The following RIN2 variants were observed in gnomAD, a reference collection of about 807,000 sequenced individuals.
RIN2 encodes Ras and Rab interactor 2.
In RIN2, 36 loss-of-function variants were observed where a neutral mutation model predicts 78.0. The ratio of observed to expected loss-of-function variants is 0.46; its 90% confidence interval spans 0.35 to 0.61. RIN2 has a LOEUF of 0.61. RIN2 is among the 20% of genes least tolerant of loss of function. RIN2 has a pLI of 0.00. For missense variants in RIN2, 1,087 were observed against 1,159.7 expected (o/e 0.94, Z 0.91); for synonymous variants, 466 against 466.8 (o/e 1.00, Z 0.02).
chr20:19,946,659 G>A (rs1238957118), intron 4 of RIN2, among the ~76,000 whole-genome samples: 8 of 147,408 alleles, frequency 5.4e-5, no homozygotes, highest in Non-Finnish European at 8.9e-5. Flanking sequence ...GCAGTAAGCC[G>A]AGATTGTGTC....
intron 1 of RIN2, among the ~76,000 whole-genome samples, chr20:19,783,745 G>A (rs1490608533): frequency 2.6e-5 from 4 of 152,128 alleles, no homozygotes; most frequent in Non-Finnish European, 4.4e-5. Flanking sequence ...TACCCCTGCC[G>A]GGAAGCTGAC....
At chr20:19,848,601 G>A (rs942612001) in intron 2 of RIN2, among the ~76,000 whole-genome samples, 11 of 150,218 alleles carry the variant, frequency 7.3e-5, no homozygotes, top group African/African-American at 7.3e-5. Context: ...AAAAAAAGCC[G>A]GAGATGTACA....
At chr20:19,980,045 A>C (rs1016289923) in intron 9 of RIN2, among the ~76,000 whole-genome samples, 2 of 32,296 alleles carry the variant, frequency 6.2e-5, no homozygotes, top group East Asian at 1.6e-3. Flanking sequence ...ACTCCATCTC[A>C]AAAAAAAAAA....
intron 5 of RIN2, among the ~76,000 whole-genome samples, chr20:19,960,434 A>G (rs952325000): frequency 6.6e-6 from 1 of 152,216 alleles, no homozygotes. Context: ...TGAACTGAAA[A>G]TGCTTATGCA....
At chr20:19,798,469 C>T (rs935733192) in intron 1 of RIN2, among the ~76,000 whole-genome samples, 1 of 151,704 alleles carries the variant, frequency 6.6e-6, no homozygotes, top group Non-Finnish European at 1.5e-5. Context: ...GACAGAGGAG[C>T]CAAGACTATG....
At chr20:19,844,669 C>CTTCTTCTTCCTCTTCCTCTT in intron 2 of RIN2, among the ~76,000 whole-genome samples, 1 of 76,248 alleles carries the variant, frequency 1.3e-5, no homozygotes, top group African/African-American at 6.2e-5. Context: ...TCTTCTTCTT[C>CTTCTTCTTCCTCTTCCTCTT]CTTCTTCTTC....
intron 2 of RIN2, among the ~76,000 whole-genome samples, chr20:19,877,714 G>A (rs1568564745): frequency 2.0e-5 from 3 of 152,114 alleles, no homozygotes; most frequent in African/African-American, 7.2e-5. Flanking sequence ...TGGAGGGTGG[G>A]AGAGGACTAA....
chr20:19,807,456 G>A (rs2035443656), intron 2 of RIN2, among the ~76,000 whole-genome samples: 1 of 151,978 alleles, frequency 6.6e-6, no homozygotes, highest in Non-Finnish European at 1.5e-5. Context: ...GAGATGAGAT[G>A]ATACTAAAAG....
At chr20:19,880,559 C>A (rs902003045) in intron 2 of RIN2, among the ~76,000 whole-genome samples, 2 of 151,860 alleles carry the variant, frequency 1.3e-5, no homozygotes, top group Non-Finnish European at 2.9e-5. Context: ...CCATGCCCAG[C>A]TAATTTTCTG....
chr20:19,920,797 C>T lies in RIN2; in HGVS notation c.58-14302C>T, dbSNP rs553255583. On this transcript the variant is annotated intron_variant, in intron 3 of 12. Coordinates refer to ENST00000255006, the MANE Select transcript of RIN2 (RefSeq NM_018993.4). ...GTTCAAGCGATTCTCCTGTCTCAGC[C>T]CCTGAGTAGCTGGGACTACAGGTGT... 2.3e-3 allele frequency among the ~76,000 whole-genome samples: 344 copies of T among 152,188 alleles called. 2 individuals carry two copies. Among genetic ancestry groups the T allele is most frequent in the African/African-American group, 7.5e-3 (311 of 41,512 alleles).
intron 2 of RIN2, among the ~76,000 whole-genome samples, chr20:19,851,077 GA>G (rs2036964736): frequency 6.6e-6 from 1 of 151,472 alleles, no homozygotes; most frequent in African/African-American, 2.4e-5. Flanking sequence ...AGGAAGGAAG[GA>G]AGGAAGGTAG....
chr20:19,931,922 G>A (rs6075597), intron 3 of RIN2, among the ~76,000 whole-genome samples: 8 of 152,208 alleles, frequency 5.3e-5, no homozygotes, highest in African/African-American at 1.2e-4. Context: ...TTGGGCCCAC[G>A]TGCAAGTTTA....
chr20:19,839,115 C>T (rs183247081), intron 2 of RIN2, among the ~76,000 whole-genome samples: 42 of 152,318 alleles, frequency 2.8e-4, no homozygotes, highest in African/African-American at 9.9e-4. Flanking sequence ...CATGGATGTT[C>T]CCTGGCATCT....
At chr20:19,788,839 CA>C (rs1456076216) in intron 1 of RIN2, among the ~76,000 whole-genome samples, 2 of 152,120 alleles carry the variant, frequency 1.3e-5, no homozygotes, top group Non-Finnish European at 1.5e-5. Flanking sequence ...CATTTATCCC[CA>C]AAGTGATCTA....
chr20:19,798,816 A>T (rs965020047), intron 1 of RIN2, among the ~76,000 whole-genome samples: 6 of 152,206 alleles, frequency 3.9e-5, no homozygotes, highest in African/African-American at 1.4e-4. Context: ...AAGCAAGGTG[A>T]CTGCATTCAT....
chr20:19,875,338 CT>C (rs952389968), intron 2 of RIN2, among the ~76,000 whole-genome samples: 1 of 151,560 alleles, frequency 6.6e-6, no homozygotes. Flanking sequence ...TTTGTATTTT[CT>C]TTTTTTTAGT....
chr20:19,855,596 T>C (rs1261456342), intron 2 of RIN2, among the ~76,000 whole-genome samples: 1 of 152,174 alleles, frequency 6.6e-6, no homozygotes, highest in Non-Finnish European at 1.5e-5. Flanking sequence ...GTGGTTGTCA[T>C]TTCCTGAATG....
intron 2 of RIN2, among the ~76,000 whole-genome samples, chr20:19,859,074 G>T (rs1442889646): frequency 1.3e-5 from 2 of 152,250 alleles, no homozygotes; most frequent in Non-Finnish European, 2.9e-5. Context: ...CAGCTCTACA[G>T]GGAGAAAATA....
At chr20:19,886,609 CTTCT>C (rs1383731940) in intron 2 of RIN2, 33 of 776,566 alleles carry the variant, frequency 4.2e-5, no homozygotes, top group Admixed American at 2.8e-4. Context: ...TCTTCTTCTT[CTTCT>C]TTTTTTTTTT....
Sources: allele counts gnomAD v4.1 joint callset (sites outside exome capture counted in the v4.1 genomes callset), GRCh38; gene constraint gnomAD v4.1.1; transcripts MANE v1.5; gene names NCBI Gene and HGNC (gene_info 2026-07-23, HGNC 2026-07-21).